SLC44A3: variants seen among roughly 807,000 people sequenced by gnomAD.
SLC44A3 encodes choline transporter-like protein 3.
A neutral mutation model predicts 75.4 loss-of-function variants in SLC44A3; 74 were observed. The ratio of observed to expected loss-of-function variants is 0.98; its 90% CI spans 0.81 to 1.19. The LOEUF (loss-of-function observed/expected upper bound fraction) is 1.19. Ranked by LOEUF, SLC44A3 falls within the 50% of genes most tolerant of loss-of-function variation. The pLI is 0.00. For missense variants in SLC44A3, 700 were observed against 778.6 expected, an observed-to-expected ratio of 0.90 and a Z score of 1.20; for synonymous variants, 310 against 296.9, an observed-to-expected ratio of 1.04 and a Z score of -0.45.
At chr1:94,859,331 GAAACAGGCAC>G (rs896373025) in intron 10 of SLC44A3, among the ~76,000 whole-genome samples, 3 of 152,064 alleles carry the variant, frequency 2.0e-5, no homozygotes, top group Admixed American at 1.3e-4. Flanking sequence ...ATGAAAGATT[GAAACAGGCAC>G]AAACACACCA....
intron 12 of SLC44A3, among the ~76,000 whole-genome samples, chr1:94,867,639 G>A (rs859095): frequency 0.99 from 150,231 of 152,392 alleles, 74,060 homozygotes; most frequent in Non-Finnish European, 0.99. Flanking sequence ...ATGTTCTAAT[G>A]AACCTTAACT....
At chr1:94,821,965 A>G (rs1660656815) in intron 2 of SLC44A3, among the ~76,000 whole-genome samples, 1 of 152,220 alleles carries the variant, frequency 6.6e-6, no homozygotes, top group Non-Finnish European at 1.5e-5. Context: ...TCTGAAACAC[A>G]TAATCAGATG....
At chr1:94,875,862 C>T (rs558347576) in intron 12 of SLC44A3, among the ~76,000 whole-genome samples, 1 of 152,306 alleles carries the variant, frequency 6.6e-6, no homozygotes, top group South Asian at 2.1e-4. Flanking sequence ...TTTGTGCCTT[C>T]CTGTCATGAC....
chr1:94,864,831 T>C lies in SLC44A3; in HGVS notation c.1327T>C (p.Phe443Leu). The change falls in exon 11 of 15, where the codon TTT (phenylalanine) becomes CTT (leucine). Residue 443 changes from phenylalanine (F) to leucine (L), a missense_variant. Coordinates refer to ENST00000271227, the MANE Select transcript of SLC44A3 (RefSeq NM_001114106.3). ...TCAAGGAACCGTTGTGAAAGGGTCATTTTTAATCTCTGTGGTGAGGATTCC... is the reference window on the plus strand; with the variant it reads ...TCAAGGAACCGTTGTGAAAGGGTCACTTTTAATCTCTGTGGTGAGGATTCC... ...YHQGTVVKGS[F>L]LISVVRIPRI... 6.2e-7 allele frequency: 1 copy of C among 1,613,986 alleles called. No homozygotes were observed. Among genetic ancestry groups the C allele is most frequent in the Non-Finnish European group, 8.5e-7 (1 of 1,179,858 alleles).
chr1:94,867,596 C>T (rs1207303262), intron 12 of SLC44A3, among the ~76,000 whole-genome samples, 179 bp downstream of exon 12: 1 of 152,188 alleles, frequency 6.6e-6, no homozygotes, highest in Non-Finnish European at 1.5e-5. Flanking sequence ...GGAAAGCAGC[C>T]ATAGGTAAAA....
At chr1:94,883,988 G>T (rs1669285859) in intron 12 of SLC44A3, among the ~76,000 whole-genome samples, 1 of 152,008 alleles carries the variant, frequency 6.6e-6, no homozygotes, top group South Asian at 2.1e-4. Context: ...ATTTCTAAGG[G>T]GTGGGATCAC....
chr1:94,869,868 AT>A (rs1261877265), intron 12 of SLC44A3, among the ~76,000 whole-genome samples: 3 of 152,188 alleles, frequency 2.0e-5, no homozygotes, highest in Non-Finnish European at 2.9e-5. Context: ...GCTGAACCCT[AT>A]TTTATGTTCC....
intron 5 of SLC44A3, among the ~76,000 whole-genome samples, chr1:94,832,929 T>G (rs180852399): frequency 3.3e-5 from 5 of 151,978 alleles, no homozygotes; most frequent in Non-Finnish European, 5.9e-5. Flanking sequence ...ATCATGCCAC[T>G]GCACTCCAGC....
intron 12 of SLC44A3, among the ~76,000 whole-genome samples, chr1:94,881,099 A>G (rs1283480712): frequency 6.6e-6 from 1 of 152,148 alleles, no homozygotes; most frequent in Non-Finnish European, 1.5e-5. Flanking sequence ...TTTAAATTAT[A>G]AACGTTTTTC....
chr1:94,825,751 C>A, intron 3 of SLC44A3: 1 of 436,268 alleles, frequency 2.3e-6, no homozygotes, highest in Non-Finnish European at 4.6e-6. Flanking sequence ...AGCCTCTTAT[C>A]CTCCTGAGTG....
At chr1:94,883,229 G>A (rs907529798) in intron 12 of SLC44A3, among the ~76,000 whole-genome samples, 10 of 152,036 alleles carry the variant, frequency 6.6e-5, no homozygotes, top group East Asian at 5.8e-4. Context: ...GGCCGGGTGC[G>A]GTGACTTATA....
chr1:94,870,413 A>G (rs1667628561), intron 12 of SLC44A3, among the ~76,000 whole-genome samples: 1 of 152,174 alleles, frequency 6.6e-6, no homozygotes, highest in Non-Finnish European at 1.5e-5. Context: ...CATTTATATG[A>G]CAGTACAGAA....
intron 12 of SLC44A3, among the ~76,000 whole-genome samples, chr1:94,871,878 C>T (rs1359796033): frequency 6.6e-6 from 1 of 152,164 alleles, no homozygotes; most frequent in South Asian, 2.1e-4. Flanking sequence ...AACATAGTTT[C>T]TTAAGGACTC....
intron 5 of SLC44A3, among the ~76,000 whole-genome samples, chr1:94,835,938 C>T (rs1662726113): frequency 6.6e-6 from 1 of 152,214 alleles, no homozygotes; most frequent in African/African-American, 2.4e-5. Context: ...TGTATTACCC[C>T]TTCAAAAATG....
intron 12 of SLC44A3, among the ~76,000 whole-genome samples, chr1:94,881,487 A>G (rs576768793): frequency 0.011 from 1,585 of 148,078 alleles, 22 homozygotes; most frequent in African/African-American, 0.034. Context: ...GGCGGATCAC[A>G]AGGTCAGGAG....
In SLC44A3 at chr1:94,880,010, G is replaced by T. The variant is rs141502057; in HGVS notation, c.1483-11120G>T. 1.7e-3 allele frequency among the ~76,000 whole-genome samples: 264 copies of T among 152,250 alleles called. 1 individual carries two copies. The highest frequency in any genetic ancestry group is 3.4e-3 in the Middle Eastern group (1 of 294). On this transcript the variant is annotated intron_variant, in intron 12 of 14. Coordinates refer to ENST00000271227, the MANE Select transcript of SLC44A3 (RefSeq NM_001114106.3). ...CCCATCAGGATGACCACTATCAAAA[G>T]AACAGAAAATAAGTGTTGGTGAGGA...
rs769240116 is a variant in SLC44A3, at chr1:94,827,682, G to A, written c.415+39G>A. On this transcript the variant is annotated intron_variant, in intron 4 of 14. Transcript: ENST00000271227. The stretch of plus-strand genomic sequence containing the variant: ...CCTGGTTTGTTCTTTTCCCCATGAT[G>A]GGGTAAGCTGTGGGGACCTAGATGA... The A allele has an allele frequency of 1.5e-5, 24 of 1,609,538 alleles. No individual in the cohort carries two copies. In the South Asian group the frequency reaches 2.5e-4, roughly 17 times the overall value.
At chr1:94,845,889 C>G (rs1453475415) in intron 9 of SLC44A3, among the ~76,000 whole-genome samples, 1 of 152,158 alleles carries the variant, frequency 6.6e-6, no homozygotes, top group Non-Finnish European at 1.5e-5. Context: ...TGGCTCATGC[C>G]TGTAATCCCA....
At chr1:94,869,390 A>T (rs1189221344) in intron 12 of SLC44A3, among the ~76,000 whole-genome samples, 1 of 152,204 alleles carries the variant, frequency 6.6e-6, no homozygotes, top group Non-Finnish European at 1.5e-5. Flanking sequence ...TCCTGTAGTG[A>T]GTCAGTGGTG....
Sources: gnomAD v4.1 joint callset for allele counts (sites outside exome capture counted in the v4.1 genomes callset) on GRCh38, gnomAD v4.1.1 for gene constraint, MANE v1.5 for transcripts, NCBI Gene and HGNC (gene_info 2026-07-23, HGNC 2026-07-21) for gene names.